Variants in CALCA observed in about 807,000 individuals in gnomAD.
The protein encoded by CALCA is calcitonin related polypeptide alpha, also known as calcitonin.
In CALCA, 4 loss-of-function variants were observed where a neutral mutation model predicts 6.9. The ratio of observed to expected loss-of-function variants is 0.58; its 90% CI spans 0.29 to 1.33. The LOEUF is 1.33. Among genes scored for constraint, CALCA ranks in the 40% most tolerant of loss-of-function variants. CALCA has a pLI of 0.09. For missense variants in CALCA, 174 were observed against 178.3 expected, an observed-to-expected ratio of 0.98 and a Z score of 0.14; for synonymous variants, 78 against 70.0, an observed-to-expected ratio of 1.11 and a Z score of -0.57.
chr11:14,971,217 G>C lies in CALCA; in HGVS notation c.-9-16C>G. The C allele has an allele frequency of 6.3e-7, 1 of 1,576,236 alleles. No individual in the cohort carries two copies. The highest frequency in any genetic ancestry group is 8.7e-7 in the Non-Finnish European group (1 of 1,145,528). On this transcript the variant is annotated splice_polypyrimidine_tract_variant and intron_variant, in intron 1 of 3. Coordinates refer to ENST00000331587, the MANE Select transcript of CALCA (RefSeq NM_001741.3). The stretch of plus-strand genomic sequence containing the variant: ...TGACACCTCTCTGCAAGGGAAGAAT[G>C]AGATAAACCACCTGCGCCAGTTCGA...
In CALCA at chr11:14,971,148, C is replaced by A. The variant is rs2133585831; in HGVS notation, c.45G>T (p.Leu15Phe). ...KFSPFLALSI[L>F]VLLQAGSLHA... The stretch of plus-strand genomic sequence containing the variant: ...GGAGGCTGCCTGCCTGCAACAGGAC[C>A]AAGATGCTGAGAGCCAGGAAGGGGG... The change falls in exon 2 of 4, where the codon TTG becomes TTT. Residue 15 changes from leucine (L) to phenylalanine (F), a missense_variant. By Grantham distance (22) the Leu-to-Phe change is conservative. Transcript: ENST00000331587. 6.2e-7 allele frequency: 1 copy of A among 1,614,066 alleles called. No homozygotes were observed. Among genetic ancestry groups the A allele is most frequent in the Non-Finnish European group, 8.5e-7 (1 of 1,180,016 alleles).
At position 14,968,772 on chromosome 11, in the gene CALCA, G is replaced by GGAA. The variant is rs1555025815; in HGVS notation, c.*26_*27insTTC. On this transcript the variant is annotated 3_prime_UTR_variant, in exon 4 of 4. Transcript: ENST00000331587. ...TCAAGTTATAGGAAGGATGCAAGAA[G>GGAA]GGAAATTAGGAAGGAAAGGGAGGAG... The GGAA allele has an allele frequency of 5.0e-5, 80 of 1,614,050 alleles. No homozygotes were observed. Among genetic ancestry groups the GGAA allele is most frequent in the Non-Finnish European group, 6.7e-5 (79 of 1,179,990 alleles).
rs531137315 is a variant in CALCA at position 14,968,592 on chromosome 11, G to A, written c.*207C>T. The A allele has an allele frequency of 1.6e-5, 24 of 1,469,382 alleles. No homozygotes were observed. The highest frequency in any genetic ancestry group is 1.1e-4 in the African/African-American group (8 of 71,170). 91.0% of individuals were successfully genotyped at this position (1,469,382 alleles called of 1,614,324 possible). A position where few individuals can be genotyped will look rare whatever the true frequency, so the allele number is the denominator to read the frequency against. On this transcript the variant is annotated 3_prime_UTR_variant, in exon 4 of 4. Transcript: ENST00000331587. ...ATGACATCTCTGGGGGACTCAAAGC[G>A]GCCCTCATTTTCTGGTATTTTCCCA...
chr11:14,970,718 G>A (rs1392076121), intron 2 of CALCA, among the ~76,000 whole-genome samples: 3 of 152,014 alleles, frequency 2.0e-5, no homozygotes, highest in African/African-American at 7.2e-5. Context: ...TGGCCAACAT[G>A]GTGAAACCCT....
downstream of CALCA, chr11:14,968,245 C>A: frequency 3.1e-6 from 1 of 324,476 alleles, no homozygotes; most frequent in East Asian, 8.0e-5. Context: ...GTCACGGGCA[C>A]CAAATACCCT....
In CALCA at chr11:14,968,561, G is replaced by A; in HGVS notation, c.*238C>T. On this transcript the variant is annotated 3_prime_UTR_variant, in exon 4 of 4. Transcript: ENST00000331587. ...GCACATTCAGAAGCAGGACAGAGGA[G>A]CTCTGATGACATCTCTGGGGGACTC... 1 of 1,419,542 alleles carries A rather than the reference G, an allele frequency of 7.0e-7. No individual in the cohort carries two copies. The highest frequency in any genetic ancestry group is 2.7e-5 in the East Asian group (1 of 36,606). The allele number at this position is 1,419,542 out of a possible 1,614,324, so 87.9% of individuals were successfully genotyped here. A position where few individuals can be genotyped will look rare whatever the true frequency, so the allele number is the denominator to read the frequency against.
At position 14,968,974 on chromosome 11, in the gene CALCA, C is replaced by G. The variant is rs371492762; in HGVS notation, c.251G>C (p.Arg84Pro). Residue 84 changes from arginine to proline, a missense_variant, in exon 4 of 4, where the codon CGG (arginine) becomes CCG (proline). Arg to Pro is a moderately radical substitution (Grantham distance 103). Transcript: ENST00000331587. ...GSSLDSPRSK[R>P]CGNLSTCMLG... is the part of the protein sequence containing the mutation. ...CATGCAAGTACTCAGATTACCGCACCGCTTAGATCTGGGGCTGTCCAGGCT... is the reference window on the plus strand; with the variant it reads ...CATGCAAGTACTCAGATTACCGCACGGCTTAGATCTGGGGCTGTCCAGGCT... 4.3e-6 allele frequency: 7 copies of G among 1,613,620 alleles called. No individual in the cohort carries two copies. The highest frequency in any genetic ancestry group is 5.9e-6 in the Non-Finnish European group (7 of 1,180,014).
downstream of CALCA, chr11:14,967,618 C>T (rs1849485731): frequency 3.1e-6 from 5 of 1,598,782 alleles, no homozygotes; most frequent in Non-Finnish European, 4.3e-6. Context: ...AGTGGTTTTA[C>T]ACCCCTGTAA....
downstream of CALCA, chr11:14,968,254 C>G: frequency 3.1e-6 from 1 of 323,638 alleles, no homozygotes; most frequent in Non-Finnish European, 5.7e-6. Context: ...ACCAAATACC[C>G]TTTCTTAGGA....
chr11:14,966,722 AT>A (rs1849466771), downstream of CALCA: 1 of 152,714 alleles, frequency 6.5e-6, no homozygotes, highest in African/African-American at 2.4e-5. Context: ...AAATGACAGC[AT>A]TGACATTTCT....
chr11:14,969,274 C>T (rs35731970), intron 3 of CALCA, among the ~76,000 whole-genome samples: 1 of 152,116 alleles, frequency 6.6e-6, no homozygotes, highest in Admixed American at 6.5e-5. Flanking sequence ...GATGCAGGGG[C>T]AACACATGCC....
At chr11:14,966,935 A>C (rs1849470513), downstream of CALCA, 1 of 152,714 alleles carries the variant, frequency 6.5e-6, no homozygotes, top group African/African-American at 2.4e-5. Flanking sequence ...AAAAAGATGC[A>C]CAATAGGTAA....
chr11:14,968,935 G>C lies in CALCA; in HGVS notation c.290C>G (p.Thr97Arg). 6.2e-7 allele frequency: 1 copy of C among 1,614,012 alleles called. No homozygotes were observed. The highest frequency in any genetic ancestry group is 8.5e-7 in the Non-Finnish European group (1 of 1,180,024). ...CGTGTGAAACTTGTTGAAGTCCTGC[G>C]TGTATGTGCCCAGCATGCAAGTACT... ...NLSTCMLGTY[T>R]QDFNKFHTFP... is the part of the protein sequence containing the mutation. Residue 97 changes from threonine to arginine, a missense_variant, in exon 4 of 4, where the codon ACG (threonine) becomes AGG (arginine). Thr to Arg is a moderately conservative substitution (Grantham distance 71). Transcript: ENST00000331587.
chr11:14,968,353 T>G (rs954219911), downstream of CALCA: 2 of 810,750 alleles, frequency 2.5e-6, no homozygotes, highest in Non-Finnish European at 3.3e-6. Context: ...TTAGGACCCC[T>G]GTTCTTCCTG....
At position 14,968,572 on chromosome 11, in the gene CALCA, A is replaced by T. The variant is rs1849510260; in HGVS notation, c.*227T>A. ...AGCAGGACAGAGGAGCTCTGATGAC[A>T]TCTCTGGGGGACTCAAAGCGGCCCT... On this transcript the variant is annotated 3_prime_UTR_variant, in exon 4 of 4. Coordinates refer to ENST00000331587, the MANE Select transcript of CALCA (RefSeq NM_001741.3). 4.2e-6 allele frequency: 6 copies of T among 1,434,092 alleles called. No homozygotes were observed. The allele number at this position is 1,434,092 out of a possible 1,614,324, so 88.8% of individuals were successfully genotyped here.
chr11:14,967,665 G>C (rs1849487219), downstream of CALCA: 1 of 1,613,202 alleles, frequency 6.2e-7, no homozygotes, highest in Non-Finnish European at 8.5e-7. Flanking sequence ...ATCATACAAG[G>C]GCAGTCACCT....
intron 3 of CALCA, among the ~76,000 whole-genome samples, chr11:14,969,527 A>C (rs1849540241): frequency 6.6e-6 from 1 of 150,648 alleles, no homozygotes; most frequent in African/African-American, 2.4e-5. Flanking sequence ...CAGGTGTGAA[A>C]GAATGTCGTA....
chr11:14,968,663 C>A lies in CALCA; in HGVS notation c.*136G>T. The A allele has an allele frequency of 1.9e-6, 3 of 1,605,182 alleles. No homozygotes were observed. The highest frequency in any genetic ancestry group is 1.7e-6 in the Non-Finnish European group (2 of 1,176,318). ...TGAGTCCTGCTCTCTTTCCTCCCAT[C>A]TGAAGTTTGAGACATCCTCTGCCAC... On this transcript the variant is annotated 3_prime_UTR_variant, in exon 4 of 4. Transcript: ENST00000331587.
intron 2 of CALCA, among the ~76,000 whole-genome samples, chr11:14,970,822 C>T (rs991484760): frequency 2.0e-5 from 3 of 152,086 alleles, no homozygotes; most frequent in African/African-American, 7.2e-5. Context: ...ATTGCTTGAA[C>T]CCAGGAGATG....
Sources: gnomAD v4.1 joint callset for allele counts (sites outside exome capture counted in the v4.1 genomes callset) on GRCh38, gnomAD v4.1.1 for gene constraint, MANE v1.5 for transcripts, NCBI Gene and HGNC (gene_info 2026-07-23, HGNC 2026-07-21) for gene names.